The following PACS1 variants were observed in gnomAD, a reference collection of about 807,000 sequenced individuals.
The protein encoded by PACS1 is PACS-1.
A neutral mutation model predicts 115.0 loss-of-function variants in PACS1; 24 were observed. The ratio of observed to expected loss-of-function variants is 0.21; its 90% CI spans 0.15 to 0.29. PACS1 has a LOEUF of 0.29. PACS1 is among the 10% of genes least tolerant of loss of function. The pLI, the probability that PACS1 is intolerant of heterozygous loss-of-function variation, is 1.00. For synonymous variants in PACS1, 453 were observed against 504.5 expected (o/e 0.90, Z 1.37); for missense variants, 838 against 1,251.2 (o/e 0.67, Z 4.98).
intron 2 of PACS1, among the ~76,000 whole-genome samples, chr11:66,202,526 T>G (rs1222131128): frequency 6.6e-6 from 1 of 151,686 alleles, no homozygotes; most frequent in Non-Finnish European, 1.5e-5. Context: ...TGGTTCAGCA[T>G]ACACAAATCA....
chr11:66,135,175 G>C (rs1440470875), intron 1 of PACS1, among the ~76,000 whole-genome samples: 2 of 151,966 alleles, frequency 1.3e-5, no homozygotes, highest in Non-Finnish European at 2.9e-5. Flanking sequence ...ACTCCAGCCT[G>C]GGCAATAGAG....
intron 1 of PACS1, among the ~76,000 whole-genome samples, chr11:66,148,411 T>C (rs771656109): frequency 3.9e-5 from 6 of 152,120 alleles, no homozygotes; most frequent in Non-Finnish European, 8.8e-5. Flanking sequence ...CCTCCCAGAG[T>C]GCTGGCATTA....
In PACS1 at chr11:66,241,512, G is replaced by A. The variant is rs1188567447; in HGVS notation, c.2515G>A (p.Asp839Asn). 3.1e-6 allele frequency: 5 copies of A among 1,614,060 alleles called. No individual in the cohort carries two copies. Among genetic ancestry groups the A allele is most frequent in the Non-Finnish European group, 4.2e-6 (5 of 1,179,988 alleles). The change falls in exon 22 of 24, where the codon GAC becomes AAC. Residue 839 changes from aspartate (D) to asparagine (N), a missense_variant. Asp to Asn is a conservative substitution (Grantham distance 23). Around this residue, in one of 6 missense-constraint regions of PACS1, gnomAD observed 84 missense variants for 187.1 expected, o/e 0.45. Transcript: ENST00000320580. ...GHPGERRREG[D>N]KRDASSKNTL... ...CCCCGGGGAGCGGAGGAGGGAAGGC[G>A]ACAAGAGGGACGCCAGCTCGAAGAA...
chr11:66,074,869 C>G (rs1857366847), intron 1 of PACS1, among the ~76,000 whole-genome samples: 1 of 151,838 alleles, frequency 6.6e-6, no homozygotes, highest in Non-Finnish European at 1.5e-5. Context: ...AGATATACTA[C>G]TCTATCTTCT....
intron 17 of PACS1, 89 bp downstream of exon 17, chr11:66,234,331 T>G: frequency 1.2e-6 from 1 of 844,680 alleles, no homozygotes; most frequent in Admixed American, 1.7e-5. Context: ...TCATGCTGCT[T>G]TCCTCCCTGC....
intron 1 of PACS1, among the ~76,000 whole-genome samples, chr11:66,148,278 C>T (rs1447676887): frequency 6.6e-6 from 1 of 152,108 alleles, no homozygotes; most frequent in Non-Finnish European, 1.5e-5. Flanking sequence ...GCTTAGCTTC[C>T]CAGGTAGCTG....
At position 66,211,134 on chromosome 11, in the gene PACS1, T is replaced by C; in HGVS notation, c.535T>C (p.Tyr179His). The C allele has an allele frequency of 6.2e-7, 1 of 1,613,532 alleles. No homozygotes were observed. The highest frequency in any genetic ancestry group is 8.5e-7 in the Non-Finnish European group (1 of 1,179,558). ...CTCGACTCTGTTTTGTATTTCGTAG[T>C]ACCCTCATTTCCTTAAGCGAGATGC... ...TELQLTFSLQ[Y>H]PHFLKRDANK... Residue 179 changes from tyrosine to histidine, a missense_variant and splice_region_variant, in exon 4 of 24, where the codon TAC (tyrosine) becomes CAC (histidine). Transcript: ENST00000320580.
intron 2 of PACS1, among the ~76,000 whole-genome samples, chr11:66,204,124 A>G (rs909136795): frequency 6.6e-6 from 1 of 152,058 alleles, no homozygotes; most frequent in Non-Finnish European, 1.5e-5. Context: ...TTGAGAGGCC[A>G]ACAAGGGATC....
chr11:66,137,304 ATTTAT>A (rs1341682270), intron 1 of PACS1, among the ~76,000 whole-genome samples: 2 of 151,946 alleles, frequency 1.3e-5, no homozygotes, highest in South Asian at 2.1e-4. Flanking sequence ...TGCATCTAGA[ATTTAT>A]TTTAAGATAA....
chr11:66,212,846 C>CTTTA (rs1395314712), intron 4 of PACS1, among the ~76,000 whole-genome samples: 11 of 151,856 alleles, frequency 7.2e-5, no homozygotes, highest in South Asian at 2.1e-4. Context: ...TATTAATTGG[C>CTTTA]TTTATTTATT....
chr11:66,172,012 T>C (rs1408618829), intron 1 of PACS1, among the ~76,000 whole-genome samples: 1 of 152,238 alleles, frequency 6.6e-6, no homozygotes, highest in African/African-American at 2.4e-5. Flanking sequence ...CTGAAACAAT[T>C]AAAGGCCCTA....
chr11:66,106,443 G>A (rs1207286278), intron 1 of PACS1, among the ~76,000 whole-genome samples: 7 of 152,010 alleles, frequency 4.6e-5, no homozygotes, highest in African/African-American at 9.7e-5. Flanking sequence ...GTGGTGACAC[G>A]TACCTGTAAT....
Position 66,235,654 on chromosome 11 carries a change from T to G in PACS1, c.2208-244T>G. On this transcript the variant is annotated intron_variant, in intron 18 of 23. Coordinates refer to ENST00000320580, the MANE Select transcript of PACS1 (RefSeq NM_018026.4). This position sits in a 1 kb window ranked among gnomAD's most constrained non-coding sequence, Gnocchi z 5.6. Reference sequence around the variant, plus strand: ...GTATAAAGCAGCCCATCCTCATAGCTGGAACTCAGACGTGGGAAGCAGGGA... The same window carrying G: ...GTATAAAGCAGCCCATCCTCATAGCGGGAACTCAGACGTGGGAAGCAGGGA... 1.6e-6 allele frequency: 1 copy of G among 608,510 alleles called. No homozygotes were observed. The highest frequency in any genetic ancestry group is 2.9e-6 in the Non-Finnish European group (1 of 339,860). The allele number at this position is 608,510 out of a possible 1,614,324, so 37.7% of individuals were successfully genotyped here. A position where few individuals can be genotyped will look rare whatever the true frequency, so the allele number is the denominator to read the frequency against.
chr11:66,196,407 C>G (rs1854651408), intron 2 of PACS1, among the ~76,000 whole-genome samples: 1 of 152,168 alleles, frequency 6.6e-6, no homozygotes, highest in Non-Finnish European at 1.5e-5. Flanking sequence ...AAGACTAGAG[C>G]CTGTGTGAGG....
chr11:66,197,288 C>T (rs747698014), intron 2 of PACS1, among the ~76,000 whole-genome samples: 7 of 152,138 alleles, frequency 4.6e-5, no homozygotes, highest in Non-Finnish European at 8.8e-5. Context: ...AAGAAATTAT[C>T]ATTGGTATGA....
At chr11:66,103,385 C>A (rs1435851406) in intron 1 of PACS1, among the ~76,000 whole-genome samples, 4 of 151,832 alleles carry the variant, frequency 2.6e-5, no homozygotes, top group Admixed American at 6.6e-5. Flanking sequence ...CAGCTCACTG[C>A]AAGACAGAGC....
chr11:66,207,917 C>T (rs529956299), intron 2 of PACS1, among the ~76,000 whole-genome samples: 3 of 152,048 alleles, frequency 2.0e-5, no homozygotes, highest in Non-Finnish European at 2.9e-5. Flanking sequence ...TACAAGTGCA[C>T]GCCACTATGC....
intron 1 of PACS1, among the ~76,000 whole-genome samples, chr11:66,072,454 C>T (rs1290153892): frequency 6.6e-6 from 1 of 151,984 alleles, no homozygotes; most frequent in African/African-American, 2.4e-5. Flanking sequence ...CTTCACTAGG[C>T]AAAAGTAGAT....
At chr11:66,114,720 A>G (rs571253156) in intron 1 of PACS1, among the ~76,000 whole-genome samples, 6 of 152,196 alleles carry the variant, frequency 3.9e-5, no homozygotes, top group Non-Finnish European at 8.8e-5. Flanking sequence ...TGTTAGAACT[A>G]CACTGAAAAC....
Sources: gnomAD v4.1 joint callset for allele counts (sites outside exome capture counted in the v4.1 genomes callset) on GRCh38, gnomAD v4.1.1 for gene constraint, gnomAD v4.1.1 regional missense constraint, Gnocchi (gnomAD v3.1) non-coding constraint, MANE v1.5 for transcripts, NCBI Gene and HGNC (gene_info 2026-07-23, HGNC 2026-07-21) for gene names.